The following ADCY3 variants were observed in gnomAD, a reference collection of about 807,000 sequenced individuals.
ADCY3 encodes adenylate cyclase type 3.
In ADCY3, 70 loss-of-function variants were observed where a neutral mutation model predicts 119.4. The observed-to-expected ratio is 0.59, with a 90% confidence interval of 0.48 to 0.72. The LOEUF is 0.72. Ranked by LOEUF, ADCY3 falls within the 30% of genes least tolerant of loss-of-function variation. The pLI is 0.00. For synonymous variants in ADCY3, 672 were observed against 621.4 expected, an observed-to-expected ratio of 1.08 and a Z score of -1.21; for missense variants, 1,238 against 1,541.6, an observed-to-expected ratio of 0.80 and a Z score of 3.30.
chr2:24,910,931 C>T (rs554750343), intron 2 of ADCY3, among the ~76,000 whole-genome samples: 2 of 152,254 alleles, frequency 1.3e-5, no homozygotes, highest in African/African-American at 4.8e-5. Flanking sequence ...AGGTGTGAGC[C>T]ACCGCGCCTG....
At position 24,919,155 on chromosome 2, in the gene ADCY3, C is replaced by T; in HGVS notation, c.-168G>A. 1.5e-6 allele frequency: 1 copy of T among 659,270 alleles called. No individual in the cohort carries two copies. Among genetic ancestry groups the T allele is most frequent in the Non-Finnish European group, 2.6e-6 (1 of 390,804 alleles). 40.8% of individuals were successfully genotyped at this position (659,270 alleles called of 1,614,324 possible). On this transcript the variant is annotated 5_prime_UTR_variant, in exon 2 of 22. Coordinates refer to ENST00000679454, the MANE Select transcript of ADCY3 (RefSeq NM_004036.5). The surrounding 1 kb of genome is among the most constrained non-coding windows in gnomAD (Gnocchi z 5.5). ...CCAGCAGGAACGCAGAGCGGGTTTCCAGAGCACAGGTAGCACTGATCAGCT... is the reference window on the plus strand; with the variant it reads ...CCAGCAGGAACGCAGAGCGGGTTTCTAGAGCACAGGTAGCACTGATCAGCT...
chr2:24,903,298 CCT>C (rs1214375363), intron 2 of ADCY3, among the ~76,000 whole-genome samples: 2 of 152,156 alleles, frequency 1.3e-5, no homozygotes, highest in African/African-American at 4.8e-5. Context: ...TTGTTATTCC[CCT>C]TTTTCATGTA....
chr2:24,862,331 G>A (rs71439149), intron 3 of ADCY3, among the ~76,000 whole-genome samples: 8,887 of 152,278 alleles, frequency 0.058, 365 homozygotes, highest in Non-Finnish European at 0.091. Context: ...CGGATCACGA[G>A]GTCAGGAGAT....
At position 24,834,429 on chromosome 2, in the gene ADCY3, C is replaced by A; in HGVS notation, c.1967+56G>T. 2.4e-6 allele frequency: 3 copies of A among 1,262,360 alleles called. No homozygotes were observed. The highest frequency in any genetic ancestry group is 3.3e-6 in the Non-Finnish European group (3 of 914,568). The allele number at this position is 1,262,360 out of a possible 1,614,324, so 78.2% of individuals were successfully genotyped here. ...CGCTGAGACACCTGCCCCCGCCCCC[C>A]GCCCGGCACCACCGCAGCCGAGGAA... On this transcript the variant is annotated intron_variant, in intron 11 of 21. Coordinates refer to ENST00000679454, the MANE Select transcript of ADCY3 (RefSeq NM_004036.5). The surrounding 1 kb of genome is among the most constrained non-coding windows in gnomAD (Gnocchi z 4.2).
chr2:24,877,382 G>A (rs962664358), intron 2 of ADCY3, among the ~76,000 whole-genome samples: 1 of 152,174 alleles, frequency 6.6e-6, no homozygotes, highest in African/African-American at 2.4e-5. Flanking sequence ...CTGGGACCCA[G>A]CTTTGCTGCT....
chr2:24,820,093 T>C lies in ADCY3; in HGVS notation c.3274A>G (p.Ile1092Val). 6.5e-7 allele frequency: 1 copy of C among 1,548,976 alleles called. No homozygotes were observed. Among genetic ancestry groups the C allele is most frequent in the Non-Finnish European group, 8.7e-7 (1 of 1,147,350 alleles). The change falls in exon 22 of 22, where the codon ATC becomes GTC. Residue 1092 changes from isoleucine (I) to valine (V), a missense_variant. By Grantham distance (29) the Ile-to-Val change is conservative. Coordinates refer to ENST00000679454, the MANE Select transcript of ADCY3 (RefSeq NM_004036.5). ...NIQVVEETQV[I>V]LREYGFRFVR... is the part of the protein sequence containing the mutation. ...AAGCGGAAGCCGTACTCTCGGAGGA[T>C]GACTTGGGTTTCTTCTACCACCTGG...
intron 2 of ADCY3, among the ~76,000 whole-genome samples, chr2:24,890,187 A>G (rs112337923): frequency 1.3e-5 from 2 of 152,298 alleles, no homozygotes; most frequent in African/African-American, 4.8e-5. Context: ...CTTGGTCATT[A>G]TATATTATTC....
intron 2 of ADCY3, among the ~76,000 whole-genome samples, chr2:24,916,613 C>T (rs1435705014): frequency 6.6e-6 from 1 of 152,022 alleles, no homozygotes; most frequent in African/African-American, 2.4e-5. Flanking sequence ...ACCTGGGAGG[C>T]GGAGGTTGCA....
chr2:24,847,429 A>G (rs532026757), intron 3 of ADCY3, among the ~76,000 whole-genome samples: 3 of 152,310 alleles, frequency 2.0e-5, no homozygotes, highest in East Asian at 3.9e-4. Context: ...TTCCACAGCA[A>G]TATCTCTTCA....
chr2:24,862,554 A>T (rs971469435), intron 3 of ADCY3, among the ~76,000 whole-genome samples: 3 of 151,632 alleles, frequency 2.0e-5, no homozygotes, highest in Non-Finnish European at 2.9e-5. Flanking sequence ...TCAAAAAAAA[A>T]AAATTAATTA....
chr2:24,917,206 C>T (rs950527708), intron 2 of ADCY3, among the ~76,000 whole-genome samples: 1 of 152,224 alleles, frequency 6.6e-6, no homozygotes, highest in Non-Finnish European at 1.5e-5. Context: ...TAGAGGCTCA[C>T]GTCAGTCAGC....
intron 6 of ADCY3, 123 bp from the exon 7 acceptor site, chr2:24,840,154 G>A (rs939139059): frequency 2.0e-5 from 27 of 1,326,484 alleles, no homozygotes; most frequent in African/African-American, 7.4e-5. Context: ...GGCCTGGCAA[G>A]GTCCCCACAG....
In ADCY3 at chr2:24,918,210, C is replaced by T. The variant is rs1664693101; in HGVS notation, c.675+103G>A. The T allele has an allele frequency of 2.3e-6, 3 of 1,325,806 alleles. No individual in the cohort carries two copies. The Admixed American group carries it at 7.0e-5, about 31-fold the overall frequency. 82.1% of individuals were successfully genotyped at this position (1,325,806 alleles called of 1,614,324 possible). A position where few individuals can be genotyped will look rare whatever the true frequency, so the allele number is the denominator to read the frequency against. On this transcript the variant is annotated intron_variant, in intron 2 of 21. Coordinates refer to ENST00000679454, the MANE Select transcript of ADCY3 (RefSeq NM_004036.5). This position sits in a 1 kb window ranked among gnomAD's most constrained non-coding sequence, Gnocchi z 5.4. ...GTGAGAGCCCCGGAGGCCCCCAGGA[C>T]ACATTTTGACTCAAAGGCAAAGCAA...
intron 3 of ADCY3, among the ~76,000 whole-genome samples, chr2:24,871,446 G>A (rs1675001091): frequency 6.6e-6 from 1 of 152,224 alleles, no homozygotes; most frequent in Non-Finnish European, 1.5e-5. Flanking sequence ...GGTAAACGGG[G>A]AGGAAGAAAA....
chr2:24,841,393 G>C lies in ADCY3; in HGVS notation c.1069-7C>G. On this transcript the variant is annotated splice_polypyrimidine_tract_variant and splice_region_variant and intron_variant, in intron 5 of 21. Coordinates refer to ENST00000679454, the MANE Select transcript of ADCY3 (RefSeq NM_004036.5). The surrounding 1 kb of genome is among the most constrained non-coding windows in gnomAD (Gnocchi z 5.8). ...TCCGCAGCTGGTGGTATTTCTGAAAGGGGAGGGCCTGGCCTGTGCTCCAGC... is the reference window on the plus strand; with the variant it reads ...TCCGCAGCTGGTGGTATTTCTGAAACGGGAGGGCCTGGCCTGTGCTCCAGC... 1 of 1,610,812 alleles carries C rather than the reference G, an allele frequency of 6.2e-7. No individual in the cohort carries two copies. Among genetic ancestry groups the C allele is most frequent in the Non-Finnish European group, 8.5e-7 (1 of 1,178,820 alleles).
chr2:24,852,996 C>G, intron 3 of ADCY3, among the ~76,000 whole-genome samples: 1 of 139,282 alleles, frequency 7.2e-6, no homozygotes, highest in African/African-American at 2.7e-5. Flanking sequence ...AGGAAAGGAA[C>G]AGCTGGAGGG....
At chr2:24,903,177 T>C (rs6712986) in intron 2 of ADCY3, among the ~76,000 whole-genome samples, 30,081 of 150,610 alleles carry the variant, frequency 0.2, 4,887 homozygotes, top group African/African-American at 0.45. Flanking sequence ...AAGTTATACA[T>C]GGATGTTGAC....
chr2:24,914,675 C>CAAAA (rs70947853), intron 2 of ADCY3, among the ~76,000 whole-genome samples: 1 of 121,004 alleles, frequency 8.3e-6, no homozygotes, highest in Non-Finnish European at 1.8e-5. Context: ...AACTCTGTCT[C>CAAAA]AAAAAAAAAA....
intron 11 of ADCY3, chr2:24,832,168 C>T (rs554024767): frequency 9.4e-6 from 2 of 212,148 alleles, no homozygotes; most frequent in South Asian, 7.4e-5. Flanking sequence ...TGCTGCCTGC[C>T]GTGCAGAACA....
Sources: gnomAD v4.1 joint callset for allele counts (sites outside exome capture counted in the v4.1 genomes callset) on GRCh38, gnomAD v4.1.1 for gene constraint, Gnocchi (gnomAD v3.1) non-coding constraint, MANE v1.5 for transcripts, NCBI Gene and HGNC (gene_info 2026-07-23, HGNC 2026-07-21) for gene names.